The following EYA4 variants were observed in gnomAD, a reference collection of about 807,000 sequenced individuals.
EYA4 encodes EYA transcriptional coactivator and phosphatase 4, also known as protein phosphatase EYA4.
Under a neutral mutation model 87.9 loss-of-function variants are expected in EYA4, and 31 were observed. That is an observed-to-expected ratio of 0.35 (90% confidence interval 0.27 to 0.48). EYA4 has a LOEUF of 0.48. EYA4 is among the 20% of genes least tolerant of loss of function. The probability of loss-of-function intolerance (pLI) is 0.99; values close to 1 mark genes in which losing one functional copy is unlikely to be tolerated. For missense variants in EYA4, 678 were observed against 761.4 expected (o/e 0.89, Z 1.29); for synonymous variants, 263 against 270.6 (o/e 0.97, Z 0.28).
chr6:133,260,083 G>A (rs1775674176), intron 1 of EYA4, among the ~76,000 whole-genome samples: 2 of 151,878 alleles, frequency 1.3e-5, no homozygotes, highest in Admixed American at 1.3e-4. Flanking sequence ...TTTTTTTCGT[G>A]TGTGGCTTTT....
intron 2 of EYA4, among the ~76,000 whole-genome samples, chr6:133,334,870 T>G (rs778450077): frequency 6.6e-6 from 1 of 152,218 alleles, no homozygotes; most frequent in South Asian, 2.1e-4. Context: ...GAAAATTTGC[T>G]TTTACTGCTG....
chr6:133,321,313 A>G (rs1781072888), intron 2 of EYA4, among the ~76,000 whole-genome samples: 1 of 152,092 alleles, frequency 6.6e-6, no homozygotes, highest in African/African-American at 2.4e-5. Context: ...AAAATTCTCA[A>G]CTTTTATATC....
At chr6:133,505,531 T>G (rs1420242388) in intron 13 of EYA4, among the ~76,000 whole-genome samples, 2 of 152,206 alleles carry the variant, frequency 1.3e-5, no homozygotes, top group Non-Finnish European at 2.9e-5. Flanking sequence ...CATGTTTGGA[T>G]AGGGAGATTC....
chr6:133,327,911 A>C (rs1397748500), intron 2 of EYA4, among the ~76,000 whole-genome samples: 1 of 152,184 alleles, frequency 6.6e-6, no homozygotes, highest in Non-Finnish European at 1.5e-5. Flanking sequence ...AAATGGAAAA[A>C]ATTCTTAGAG....
intron 2 of EYA4, among the ~76,000 whole-genome samples, chr6:133,338,277 G>GA (rs1366941919): frequency 6.6e-6 from 1 of 151,852 alleles, no homozygotes; most frequent in East Asian, 1.9e-4. Flanking sequence ...TGAGTAAATA[G>GA]AAAAAAAGGT....
rs999087605 is a variant in EYA4, at chr6:133,524,961, C to A, written c.1739-193C>A. On this transcript the variant is annotated intron_variant, in intron 18 of 19. Coordinates refer to ENST00000355286, the MANE Select transcript of EYA4 (RefSeq NM_004100.5). ...GGCATTAACTTAACACTTTATGAAT[C>A]TTTAGGTTAATGAATGCAGTGGCTG... 5 of 1,439,002 alleles carry A rather than the reference C, an allele frequency of 3.5e-6. No individual in the cohort carries two copies. In the African/African-American group the frequency reaches 4.2e-5, roughly 12 times the overall value. The allele number at this position is 1,439,002 out of a possible 1,614,324, so 89.1% of individuals were successfully genotyped here.
intron 3 of EYA4, among the ~76,000 whole-genome samples, chr6:133,424,651 G>A (rs73001778): frequency 0.014 from 1,965 of 142,414 alleles, 40 homozygotes; most frequent in South Asian, 0.061. Context: ...GGAAGGGGCG[G>A]GACTCCTACT....
intron 3 of EYA4, among the ~76,000 whole-genome samples, chr6:133,385,391 CTGTGTGTGTGTGTGTG>C (rs66881281): frequency 6.2e-4 from 71 of 115,344 alleles, no homozygotes; most frequent in Middle Eastern, 4.0e-3. Flanking sequence ...TATGCTCTCT[CTGTGTGTGTGTGTGTG>C]TGTGTGTGTG....
chr6:133,396,598 G>T (rs771160725), intron 3 of EYA4, among the ~76,000 whole-genome samples: 1 of 152,188 alleles, frequency 6.6e-6, no homozygotes, highest in Non-Finnish European at 1.5e-5. Context: ...TTATGTGTGT[G>T]CTGTTGGGGT....
chr6:133,522,560 C>A (rs190923426), intron 17 of EYA4, among the ~76,000 whole-genome samples: 1 of 152,242 alleles, frequency 6.6e-6, no homozygotes, highest in Non-Finnish European at 1.5e-5. Context: ...AAGCAGTTTT[C>A]TCCAGATGGT....
intron 2 of EYA4, among the ~76,000 whole-genome samples, chr6:133,320,060 G>A (rs1465691075): frequency 2.6e-5 from 4 of 151,762 alleles, no homozygotes; most frequent in African/African-American, 7.3e-5. Flanking sequence ...TATTTGAATA[G>A]GGAGTTTGTT....
chr6:133,518,505 T>C (rs563074691), intron 17 of EYA4, among the ~76,000 whole-genome samples: 46 of 152,270 alleles, frequency 3.0e-4, no homozygotes, highest in Middle Eastern at 3.4e-3. Context: ...GCCTGGAATG[T>C]CAGAAAAACA....
chr6:133,385,389 CTCTG>C (rs1480899675), intron 3 of EYA4, among the ~76,000 whole-genome samples: 2,640 of 64,886 alleles, frequency 0.041, 178 homozygotes, highest in Non-Finnish European at 0.058. Flanking sequence ...TGTATGCTCT[CTCTG>C]TGTGTGTGTG....
intron 2 of EYA4, among the ~76,000 whole-genome samples, chr6:133,301,369 T>C (rs1779393550): frequency 6.6e-6 from 1 of 152,226 alleles, no homozygotes; most frequent in Non-Finnish European, 1.5e-5. Flanking sequence ...GTTTTTCCTT[T>C]GTGTACATTC....
At chr6:133,427,304 C>A (rs1391951871) in intron 3 of EYA4, among the ~76,000 whole-genome samples, 2 of 152,192 alleles carry the variant, frequency 1.3e-5, no homozygotes, top group African/African-American at 4.8e-5. Context: ...AGAACCACTT[C>A]TGAACGTCAT....
chr6:133,319,958 C>T (rs1780945712), intron 2 of EYA4, among the ~76,000 whole-genome samples: 1 of 152,080 alleles, frequency 6.6e-6, no homozygotes, highest in Non-Finnish European at 1.5e-5. Context: ...AGCAATCCAC[C>T]CACCTCAGCC....
chr6:133,299,644 G>A (rs1201221891), intron 2 of EYA4, among the ~76,000 whole-genome samples: 4 of 151,480 alleles, frequency 2.6e-5, no homozygotes, highest in African/African-American at 9.7e-5. Context: ...CCCGGGAGGC[G>A]GAGCTTGTAG....
At chr6:133,376,536 A>G (rs546644753) in intron 2 of EYA4, among the ~76,000 whole-genome samples, 34 of 151,940 alleles carry the variant, frequency 2.2e-4, no homozygotes, top group Non-Finnish European at 2.7e-4. Flanking sequence ...AATCAGAACT[A>G]TTCACTAGAA....
At chr6:133,319,649 C>A (rs1358919128) in intron 2 of EYA4, among the ~76,000 whole-genome samples, 2 of 150,904 alleles carry the variant, frequency 1.3e-5, no homozygotes, top group Admixed American at 1.3e-4. Flanking sequence ...AATTGTTTTG[C>A]GTGATTTTGT....
Sources: gnomAD v4.1 joint callset for allele counts (sites outside exome capture counted in the v4.1 genomes callset) on GRCh38, gnomAD v4.1.1 for gene constraint, MANE v1.5 for transcripts, NCBI Gene and HGNC (gene_info 2026-07-23, HGNC 2026-07-21) for gene names.